MYH13: variants seen among roughly 807,000 people sequenced by gnomAD.
MYH13 encodes the protein myosin heavy chain 13.
In MYH13, 177 loss-of-function variants were observed where a neutral mutation model predicts 232.1. That is an observed-to-expected ratio of 0.76 (90% CI 0.67 to 0.86). MYH13 has a LOEUF of 0.86. MYH13 is among the 40% of genes least tolerant of loss of function. The pLI is 0.00. For missense variants in MYH13, 2,246 were observed against 2,405.9 expected (o/e 0.93, Z 1.39); for synonymous variants, 884 against 923.5 (o/e 0.96, Z 0.78).
At chr17:10,359,654 A>G (rs1224648379) in intron 7 of MYH13, among the ~76,000 whole-genome samples, 1 of 152,162 alleles carries the variant, frequency 6.6e-6, no homozygotes, top group Non-Finnish European at 1.5e-5. Flanking sequence ...AAGTGGGGTC[A>G]GTTTTGCAGG....
In MYH13 at chr17:10,319,051, C is replaced by G. The variant is rs778340139; in HGVS notation, c.3477G>C (p.Gly1159=). ...EISERLEEAS[G]ATSAQIEMNK... ...TCATCTCAATCTGGGCTGAAGTGGC[C>G]CCACTGGCTTCTTCCAGCCTCTCGC... Residue 1159 remains glycine, a synonymous_variant, in exon 27 of 41, where the codon GGG becomes GGC. Coordinates refer to ENST00000252172, the MANE Select transcript of MYH13 (RefSeq NM_003802.3). The G allele has an allele frequency of 3.1e-6, 5 of 1,614,138 alleles. No homozygotes were observed. Among genetic ancestry groups the G allele is most frequent in the Non-Finnish European group, 4.2e-6 (5 of 1,180,038 alleles).
At chr17:10,303,122 A>G in intron 39 of MYH13, 74 bp downstream of exon 39, 1 of 1,360,268 alleles carries the variant, frequency 7.4e-7, no homozygotes, top group Non-Finnish European at 1.0e-6. Context: ...TTTACCAACC[A>G]GGATGGCGGG....
intron 2 of MYH13, among the ~76,000 whole-genome samples, chr17:10,368,011 A>G (rs1366148624): frequency 2.6e-5 from 4 of 152,198 alleles, no homozygotes; most frequent in Non-Finnish European, 2.9e-5. Flanking sequence ...ATAATCCACT[A>G]GTCTGTCTTG....
Position 10,333,146 on chromosome 17 carries a change from C to A in MYH13, c.2102G>T (p.Gly701Val). The part of the protein sequence containing the change: ...YLVMHQLRCN[G>V]VLEGIRICRK... ...GCAAATCCGGATGCCCTCGAGGACC[C>A]CGTTACAGCGCAGCTGGTGCATGAC... The change falls in exon 19 of 41, where the codon GGG becomes GTG. Residue 701 changes from glycine (G) to valine (V), a missense_variant. Coordinates refer to ENST00000252172, the MANE Select transcript of MYH13 (RefSeq NM_003802.3). The A allele has an allele frequency of 1.3e-6, 2 of 1,551,910 alleles. No individual in the cohort carries two copies. Among genetic ancestry groups the A allele is most frequent in the Non-Finnish European group, 1.7e-6 (2 of 1,147,084 alleles).
chr17:10,338,303 C>T (rs150848223), intron 18 of MYH13, among the ~76,000 whole-genome samples: 51 of 151,922 alleles, frequency 3.4e-4, no homozygotes, highest in African/African-American at 1.0e-3. Flanking sequence ...CTGGAGAAGC[C>T]GGCTCATTGG....
chr17:10,336,902 C>A (rs1357575032), intron 18 of MYH13, among the ~76,000 whole-genome samples: 1 of 148,550 alleles, frequency 6.7e-6, no homozygotes, highest in Non-Finnish European at 1.5e-5. Context: ...GGCAGGCCCC[C>A]TCCTCTTGAG....
intron 18 of MYH13, among the ~76,000 whole-genome samples, chr17:10,335,218 A>C (rs959271539): frequency 6.6e-6 from 1 of 152,214 alleles, no homozygotes; most frequent in African/African-American, 2.4e-5. Flanking sequence ...TTCACGTACA[A>C]AATTATTTAA....
At chr17:10,332,478 C>T (rs1437665861) in intron 19 of MYH13, among the ~76,000 whole-genome samples, 1 of 152,166 alleles carries the variant, frequency 6.6e-6, no homozygotes, top group African/African-American at 2.4e-5. Flanking sequence ...GGGAAGTTTG[C>T]TTTCAGAGGA....
At chr17:10,354,838 T>TAC in intron 10 of MYH13, 55 bp from the exon 11 acceptor site, 1 of 1,601,392 alleles carries the variant, frequency 6.2e-7, no homozygotes, top group South Asian at 1.1e-5. Flanking sequence ...TCTGGGTTGT[T>TAC]TTTTTTTTCC....
intron 39 of MYH13, among the ~76,000 whole-genome samples, chr17:10,302,432 A>C (rs1008010173): frequency 6.6e-6 from 1 of 152,144 alleles, no homozygotes; most frequent in Non-Finnish European, 1.5e-5. Context: ...ATATTCTGGA[A>C]CCCTTCTTCC....
At chr17:10,331,217 A>T (rs1162145116) in intron 20 of MYH13, among the ~76,000 whole-genome samples, 2 of 152,122 alleles carry the variant, frequency 1.3e-5, no homozygotes, top group Admixed American at 6.5e-5. Flanking sequence ...TCTTCTGTCC[A>T]TCTGGGAAGG....
At chr17:10,308,517 T>G (rs1479710000) in intron 35 of MYH13, among the ~76,000 whole-genome samples, 6 of 145,588 alleles carry the variant, frequency 4.1e-5, no homozygotes, top group South Asian at 2.2e-4. Flanking sequence ...ACTCCTGAGA[T>G]CAAACAATCC....
rs1287362693 is a variant in MYH13 at position 10,309,388 on chromosome 17, T to TCAAGGAGGACC, written c.5014_5015insGGTCCTCCTTG (p.Lys1672ArgfsTer25). 6.2e-7 allele frequency: 1 copy of TCAAGGAGGACC among 1,611,466 alleles called. No individual in the cohort carries two copies. Among genetic ancestry groups the TCAAGGAGGACC allele is most frequent in the Admixed American group, 1.7e-5 (1 of 59,686 alleles). On this transcript the variant is annotated frameshift_variant, in exon 35 of 41. Coordinates refer to ENST00000252172, the MANE Select transcript of MYH13 (RefSeq NM_003802.3). LOFTEE classifies it high-confidence loss of function. ...GCGCTCCACGATGGCCAGCTGCTCC[T>TCAAGGAGGACC]TGAGGTCCTCATTGCTCCTCAGGGC...
intron 12 of MYH13, among the ~76,000 whole-genome samples, chr17:10,348,648 G>A (rs770276872): frequency 5.3e-5 from 8 of 152,048 alleles, no homozygotes; most frequent in Admixed American, 2.0e-4. Flanking sequence ...ATATCAATAC[G>A]TGTATCAATG....
rs1005443205 is a variant in MYH13, at chr17:10,330,669, C to T, written c.2299-146G>A. On this transcript the variant is annotated intron_variant, in intron 20 of 40. Transcript: ENST00000252172. Reference sequence around the variant, plus strand: ...AATTCTGTTTCCAGGACTTGCTTCTCGGTGGCTCTGGTCTCCTCAGTGGCT... The same window carrying T: ...AATTCTGTTTCCAGGACTTGCTTCTTGGTGGCTCTGGTCTCCTCAGTGGCT... The T allele has an allele frequency of 2.2e-5, 26 of 1,194,998 alleles. No homozygotes were observed. In the African/African-American group the frequency reaches 2.9e-4, roughly 13 times the overall value. 74.0% of individuals were successfully genotyped at this position (1,194,998 alleles called of 1,614,324 possible).
intron 13 of MYH13, among the ~76,000 whole-genome samples, chr17:10,345,826 CTACTAAAAA>C (rs2071660707): frequency 6.6e-6 from 1 of 151,856 alleles, no homozygotes; most frequent in African/African-American, 2.4e-5. Context: ...AACCCCGTCT[CTACTAAAAA>C]TACAAAAATT....
chr17:10,367,420 C>T (rs550850186), intron 2 of MYH13, among the ~76,000 whole-genome samples: 26 of 152,284 alleles, frequency 1.7e-4, no homozygotes, highest in African/African-American at 6.3e-4. Context: ...GCAATCTCAG[C>T]TCACTGCAAC....
rs775665745 is a variant in MYH13, at chr17:10,343,718, T to G, written c.1894+82A>C. ...TACTCAGCTGAAGCTCATGTCTGAT[T>G]ACTGGTTCTTCACAAGCAGCTCTGG... On this transcript the variant is annotated intron_variant, in intron 16 of 40. Transcript: ENST00000252172. 579 of 1,402,420 alleles carry G rather than the reference T, an allele frequency of 4.1e-4. 5 individuals carry two copies. Among genetic ancestry groups the G allele is most frequent in the Non-Finnish European group, 9.5e-5 (100 of 1,054,072 alleles). The allele number at this position is 1,402,420 out of a possible 1,614,324, so 86.9% of individuals were successfully genotyped here. A position where few individuals can be genotyped will look rare whatever the true frequency, so the allele number is the denominator to read the frequency against.
At chr17:10,322,377 A>T (rs1906985302) in intron 23 of MYH13, among the ~76,000 whole-genome samples, 1 of 152,132 alleles carries the variant, frequency 6.6e-6, no homozygotes, top group Non-Finnish European at 1.5e-5. Context: ...TAGCCTGGTG[A>T]CAGAGCGAGA....
Sources: allele counts gnomAD v4.1 joint callset (sites outside exome capture counted in the v4.1 genomes callset), GRCh38; gene constraint gnomAD v4.1.1; transcripts MANE v1.5; gene names NCBI Gene and HGNC (gene_info 2026-07-23, HGNC 2026-07-21).